ANK3: variants seen among roughly 807,000 people sequenced by gnomAD.
The protein encoded by ANK3 is ankyrin-3.
A neutral mutation model predicts 370.9 loss-of-function variants in ANK3; 57 were observed. The observed-to-expected ratio is 0.15, with a 90% CI of 0.12 to 0.19. The LOEUF (loss-of-function observed/expected upper bound fraction) is 0.19. Ranked by LOEUF, ANK3 falls within the 10% of genes least tolerant of loss-of-function variation. The pLI is 1.00. For synonymous variants in ANK3, 1,929 were observed against 1,946.3 expected (o/e 0.99, Z 0.23); for missense variants, 4,439 against 5,302.1 (o/e 0.84, Z 5.06).
At chr10:60,525,836 A>C (rs2076456304) in intron 2 of ANK3, among the ~76,000 whole-genome samples, 1 of 152,134 alleles carries the variant, frequency 6.6e-6, no homozygotes, top group Non-Finnish European at 1.5e-5. Flanking sequence ...GCACCTGGCA[A>C]ATGCTAATTC....
Position 60,605,552 on chromosome 10 carries a change from C to T in ANK3, c.96+9634G>A, listed in dbSNP as rs77178756. The stretch of plus-strand genomic sequence containing the variant: ...TCTATACTTAGTTATAGATTCTATC[C>T]ATTAGTTACAGATTTTATCCATTCA... On this transcript the variant is annotated intron_variant, in intron 2 of 43. Transcript: ENST00000373827. Among the ~76,000 whole-genome samples the T allele has an allele frequency of 8.0e-3, 1,213 of 152,170 alleles. 15 individuals carry two copies. Among genetic ancestry groups the T allele is most frequent in the African/African-American group, 0.025 (1,018 of 41,518 alleles).
chr10:60,169,368 T>G (rs12267932), intron 21 of ANK3, among the ~76,000 whole-genome samples: 278 of 23,990 alleles, frequency 0.012, 5 homozygotes, highest in African/African-American at 0.047. Flanking sequence ...CTCATAGTTT[T>G]TTTTTTTTTT....
rs778635116 is a variant in ANK3 at position 60,069,287 on chromosome 10, A to T, written c.11594T>A (p.Leu3865His). The T allele has an allele frequency of 3.1e-5, 50 of 1,613,970 alleles. No individual in the cohort carries two copies. The highest frequency in any genetic ancestry group is 1.0e-4 in the Admixed American group (6 of 59,998). ...TTTTGGTGAAGTGGCCTTTATGGGA[A>T]GTTTGGATTTTTGCCTAATCCCTAT... ...ELIGIRQKSK[L>H]PIKATSPKDT... The change falls in exon 37 of 44, where the codon CTT (leucine) becomes CAT (histidine). Residue 3865 changes from leucine to histidine, a missense_variant. Leu to His is a moderately conservative substitution (Grantham distance 99). Transcript: ENST00000280772.
rs1477575061 is a variant in ANK3 at position 60,073,641 on chromosome 10, T to G, written c.7240A>C (p.Thr2414Pro). The G allele has an allele frequency of 6.2e-7, 1 of 1,613,682 alleles. No homozygotes were observed. Among genetic ancestry groups the G allele is most frequent in the South Asian group, 1.1e-5 (1 of 91,052 alleles). ...CTATCTTCTTCTTGGGACACAGGAG[T>G]GTTTACTCTGGAAGACTCCAGATAA... ...PSYLESSRVN[T>P]PVSQEEDSRP... The change falls in exon 37 of 44, where the codon ACT (threonine) becomes CCT (proline). Residue 2414 changes from threonine (T) to proline (P), a missense_variant. Thr to Pro is a conservative substitution (Grantham distance 38). This residue lies in a region of ANK3 where 1,601 missense variants were observed against 1,731.7 expected (regional missense o/e 0.92). Transcript: ENST00000280772.
At chr10:60,327,121 A>G (rs1377094489) in intron 1 of ANK3, among the ~76,000 whole-genome samples, 1 of 152,182 alleles carries the variant, frequency 6.6e-6, no homozygotes, top group East Asian at 1.9e-4. Flanking sequence ...GGTGGGATGA[A>G]GGCATAAAAG....
In ANK3 at chr10:60,134,263, A is replaced by G; in HGVS notation, c.2841+8T>C. 1 of 1,609,536 alleles carries G rather than the reference A, an allele frequency of 6.2e-7. No homozygotes were observed. The highest frequency in any genetic ancestry group is 8.5e-7 in the Non-Finnish European group (1 of 1,176,642). On this transcript the variant is annotated splice_region_variant and intron_variant, in intron 25 of 43. Coordinates refer to ENST00000280772, the MANE Select transcript of ANK3 (RefSeq NM_020987.5). The stretch of plus-strand genomic sequence containing the variant: ...ATGGTCAAAGGCTATTTTGAAAAGA[A>G]TGCATACCTGCTCTTTGGATGGCAC...
intron 28 of ANK3, among the ~76,000 whole-genome samples, chr10:60,105,207 A>AT (rs35078297): frequency 0.04 from 5,907 of 148,436 alleles, 172 homozygotes; most frequent in Non-Finnish European, 0.059. Flanking sequence ...CTGTTCTCTA[A>AT]TTTTTTTTTT....
chr10:60,402,434 G>A (rs2063370352), intron 2 of ANK3, among the ~76,000 whole-genome samples: 6 of 152,114 alleles, frequency 3.9e-5, no homozygotes, highest in Non-Finnish European at 8.8e-5. Flanking sequence ...TACATGAACT[G>A]TTAAATTCAT....
At chr10:60,210,929 C>T (rs980172488) in intron 9 of ANK3, among the ~76,000 whole-genome samples, 7 of 152,120 alleles carry the variant, frequency 4.6e-5, no homozygotes, top group Admixed American at 3.9e-4. Context: ...AATTTCCATG[C>T]TGTAAATCCC....
chr10:60,444,444 G>GTGTATATA (rs386361850), intron 2 of ANK3, among the ~76,000 whole-genome samples: 25 of 148,826 alleles, frequency 1.7e-4, no homozygotes, highest in African/African-American at 6.2e-4. Flanking sequence ...GTGTGTGTGT[G>GTGTATATA]TATATATATA....
intron 37 of ANK3, 72 bp from the exon 38 acceptor site, chr10:60,068,081 T>C: frequency 1.4e-6 from 2 of 1,402,388 alleles, no homozygotes; most frequent in Non-Finnish European, 2.0e-6. Context: ...CTTTTAGCAG[T>C]ACGCAGATTT....
At chr10:60,050,886 A>AAAGTT (rs768960887) in intron 42 of ANK3, among the ~76,000 whole-genome samples, 2 of 152,054 alleles carry the variant, frequency 1.3e-5, no homozygotes, top group African/African-American at 2.4e-5. Flanking sequence ...GTGTGTTAGT[A>AAAGTT]AAGTTAAACA....
chr10:60,112,013 C>T (rs2092747026), intron 26 of ANK3, among the ~76,000 whole-genome samples: 1 of 152,188 alleles, frequency 6.6e-6, no homozygotes, highest in Non-Finnish European at 1.5e-5. Context: ...TTCAAATAAG[C>T]CCACACCTGC....
chr10:60,128,101 G>C (rs568639635), intron 25 of ANK3, among the ~76,000 whole-genome samples: 1 of 152,238 alleles, frequency 6.6e-6, no homozygotes, highest in East Asian at 1.9e-4. Flanking sequence ...CGTTAACAAA[G>C]AACACTGTCT....
intron 1 of ANK3, among the ~76,000 whole-genome samples, chr10:60,647,773 A>C (rs896735945): frequency 2.6e-5 from 4 of 152,008 alleles, no homozygotes; most frequent in Non-Finnish European, 5.9e-5. Context: ...AGAGGAAAAC[A>C]TTTCCCTTTT....
At chr10:60,078,047 C>T (rs913702574) in intron 36 of ANK3, among the ~76,000 whole-genome samples, 13 of 152,174 alleles carry the variant, frequency 8.5e-5, no homozygotes, top group South Asian at 2.1e-4. Flanking sequence ...GGCCTGCCAA[C>T]GGCTAATGTT....
intron 8 of ANK3, among the ~76,000 whole-genome samples, chr10:60,224,121 G>T (rs1382198243): frequency 1.3e-5 from 2 of 152,100 alleles, no homozygotes; most frequent in Non-Finnish European, 2.9e-5. Context: ...GGGGGATTGA[G>T]GGAGGGGGTG....
intron 2 of ANK3, among the ~76,000 whole-genome samples, chr10:60,566,916 C>T (rs1350026640): frequency 3.3e-5 from 5 of 152,170 alleles, no homozygotes; most frequent in Non-Finnish European, 4.4e-5. Context: ...ACAGCATTTG[C>T]AGAGCATGGC....
chr10:60,119,023 T>C (rs2093301217), intron 25 of ANK3, among the ~76,000 whole-genome samples: 1 of 152,254 alleles, frequency 6.6e-6, no homozygotes, highest in Non-Finnish European at 1.5e-5. Context: ...AATCTCATAC[T>C]TGATCAAAAC....
Sources: gnomAD v4.1 joint callset for allele counts (sites outside exome capture counted in the v4.1 genomes callset) on GRCh38, gnomAD v4.1.1 for gene constraint, gnomAD v4.1.1 regional missense constraint, MANE v1.5 for transcripts, NCBI Gene and HGNC (gene_info 2026-07-23, HGNC 2026-07-21) for gene names.